Variants in PUS7L observed in about 807,000 individuals in gnomAD.
PUS7L encodes the protein pseudouridine synthase 7 like.
PUS7L carries 49 observed loss-of-function variants against 51.1 expected under a neutral mutation model. The ratio of observed to expected loss-of-function variants is 0.96; its 90% CI spans 0.76 to 1.22. The LOEUF is 1.22. Among genes scored for constraint, PUS7L ranks in the 50% most tolerant of loss-of-function variants. The pLI, the probability that PUS7L is intolerant of heterozygous loss-of-function variation, is 0.00. For synonymous variants in PUS7L, 277 were observed against 276.2 expected (o/e 1.00, Z -0.03); for missense variants, 828 against 820.6 (o/e 1.01, Z -0.11).
chr12:43,744,393 C>T (rs528185760), intron 4 of PUS7L, among the ~76,000 whole-genome samples: 8 of 152,276 alleles, frequency 5.3e-5, no homozygotes, highest in Admixed American at 3.9e-4. Context: ...TGAGTTCTCA[C>T]GAGATCTGAT....
At chr12:43,731,579 T>C (rs1944555091) in intron 8 of PUS7L, 126 bp downstream of exon 8, 3 of 582,092 alleles carry the variant, frequency 5.2e-6, no homozygotes, top group Non-Finnish European at 9.2e-6. Context: ...TTTAATTGTA[T>C]ATAAATTATA....
chr12:43,741,966 A>G (rs1392487333), intron 5 of PUS7L, among the ~76,000 whole-genome samples: 9 of 152,184 alleles, frequency 5.9e-5, no homozygotes, highest in Admixed American at 2.6e-4. Context: ...TATAAAAAAT[A>G]TAAATTAAAA....
intron 2 of PUS7L, among the ~76,000 whole-genome samples, chr12:43,752,621 A>G (rs1938508355): frequency 6.6e-6 from 1 of 152,250 alleles, no homozygotes; most frequent in Non-Finnish European, 1.5e-5. Flanking sequence ...AAGTGAAATA[A>G]GCCCATTACA....
At chr12:43,756,178 A>T (rs1938691754) in intron 1 of PUS7L, among the ~76,000 whole-genome samples, 1 of 152,234 alleles carries the variant, frequency 6.6e-6, no homozygotes, top group Non-Finnish European at 1.5e-5. Flanking sequence ...CATGCCATAT[A>T]GAAATCACTA....
intron 1 of PUS7L, 69 bp downstream of exon 1, chr12:43,758,654 ACCCCCCC>A: frequency 8.7e-6 from 4 of 462,036 alleles, no homozygotes; most frequent in Non-Finnish European, 9.6e-6. Context: ...CAACCTCGTC[ACCCCCCC>A]CCCCCACACA....
chr12:43,758,178 C>T, intron 1 of PUS7L: 1 of 379,468 alleles, frequency 2.6e-6, no homozygotes, highest in Non-Finnish European at 3.6e-6. Flanking sequence ...ATGATCTTTT[C>T]TTTCTCCCAG....
rs755895003 is a variant in PUS7L at position 43,754,850 on chromosome 12, T to C, written c.396A>G (p.Lys132=). The C allele has an allele frequency of 3.9e-5, 63 of 1,613,426 alleles. No individual in the cohort carries two copies. Among genetic ancestry groups the C allele is most frequent in the African/African-American group, 5.3e-5 (4 of 74,858 alleles). ...ADVLSSFLDE[K]THELLNNFAC... is the part of the protein sequence containing the mutation. The stretch of plus-strand genomic sequence containing the variant: ...CAAAATTATTCAGTAACTCATGAGT[T>C]TTTTCATCCAAAAAGGAGCTTAAAA... The change falls in exon 2 of 9, where the codon AAA becomes AAG. Residue 132 remains lysine (K), a synonymous_variant. Coordinates refer to ENST00000344862, the MANE Select transcript of PUS7L (RefSeq NM_031292.5).
rs138630601 is a variant in PUS7L at position 43,736,616 on chromosome 12, C to T, written c.1490G>A (p.Arg497His). Residue 497 changes from arginine (R) to histidine (H), a missense_variant, in exon 7 of 9, where the codon CGT becomes CAT. Coordinates refer to ENST00000344862, the MANE Select transcript of PUS7L (RefSeq NM_031292.5). ...TLSLMPEFKV[R>H]ERALLEALHR... ...CAATGCCTCCAACAATGCTCTCTCACGCACTTTGAATTCAGGCATCAATGA... is the reference window on the plus strand; with the variant it reads ...CAATGCCTCCAACAATGCTCTCTCATGCACTTTGAATTCAGGCATCAATGA... 6.1e-5 allele frequency: 99 copies of T among 1,614,016 alleles called. No homozygotes were observed. The highest frequency in any genetic ancestry group is 7.6e-5 in the Non-Finnish European group (90 of 1,180,008).
At chr12:43,748,899 T>A (rs943267057) in intron 2 of PUS7L, among the ~76,000 whole-genome samples, 1 of 152,106 alleles carries the variant, frequency 6.6e-6, no homozygotes, top group Non-Finnish European at 1.5e-5. Context: ...AATTTTTGTA[T>A]TTTTAGCAGG....
In PUS7L at chr12:43,727,651, A is replaced by G. The variant is rs1007931991; in HGVS notation, c.*2725T>C. 6.6e-6 allele frequency: 1 copy of G among 152,144 alleles called. No homozygotes were observed. The highest frequency in any genetic ancestry group is 1.5e-5 in the Non-Finnish European group (1 of 68,004). 9.4% of individuals were successfully genotyped at this position (152,144 alleles called of 1,614,324 possible). Reference sequence around the variant, plus strand: ...GAACTTTGAGTACACTTGGACTCTAAGAAGGGAACAATAGGCACCATGGCC... The same window carrying G: ...GAACTTTGAGTACACTTGGACTCTAGGAAGGGAACAATAGGCACCATGGCC... On this transcript the variant is annotated 3_prime_UTR_variant, in exon 9 of 9. Coordinates refer to ENST00000344862, the MANE Select transcript of PUS7L (RefSeq NM_031292.5).
chr12:43,741,403 C>T (rs1937892071), intron 5 of PUS7L, among the ~76,000 whole-genome samples: 1 of 152,132 alleles, frequency 6.6e-6, no homozygotes, highest in African/African-American at 2.4e-5. Flanking sequence ...CTCCATTTTA[C>T]AGATAAGGAA....
chr12:43,732,904 G>A (rs965844214), intron 7 of PUS7L, among the ~76,000 whole-genome samples: 4 of 152,252 alleles, frequency 2.6e-5, no homozygotes, highest in Non-Finnish European at 5.9e-5. Flanking sequence ...CAGACTACAT[G>A]GAATTATGAT....
chr12:43,752,643 A>C (rs1938509158), intron 2 of PUS7L, among the ~76,000 whole-genome samples: 1 of 152,188 alleles, frequency 6.6e-6, no homozygotes, highest in African/African-American at 2.4e-5. Flanking sequence ...AAAGACAAAT[A>C]CTGTATGATT....
intron 4 of PUS7L, among the ~76,000 whole-genome samples, chr12:43,742,905 A>G (rs1021966008): frequency 6.6e-6 from 1 of 152,124 alleles, no homozygotes; most frequent in Non-Finnish European, 1.5e-5. Flanking sequence ...TCTGATCCCT[A>G]CTCTGATGCT....
intron 2 of PUS7L, among the ~76,000 whole-genome samples, chr12:43,751,738 G>A (rs1938459014): frequency 6.6e-6 from 1 of 152,114 alleles, no homozygotes. Context: ...GGGTCAAATG[G>A]TATTTCTAGT....
intron 5 of PUS7L, among the ~76,000 whole-genome samples, chr12:43,738,648 T>C (rs1937733242): frequency 6.6e-6 from 1 of 152,184 alleles, no homozygotes; most frequent in Admixed American, 6.5e-5. Context: ...ACTTCCATAA[T>C]TCTACTTTTG....
chr12:43,737,555 T>TA (rs1937669909), intron 6 of PUS7L, among the ~76,000 whole-genome samples: 1 of 151,072 alleles, frequency 6.6e-6, no homozygotes, highest in Non-Finnish European at 1.5e-5. Flanking sequence ...TTGCTGTTTT[T>TA]ATTATTTAAA....
intron 1 of PUS7L, 78 bp downstream of exon 1, chr12:43,758,652 T>TG: frequency 1.4e-6 from 1 of 708,234 alleles, no homozygotes; most frequent in Non-Finnish European, 1.6e-6. Flanking sequence ...GCCAACCTCG[T>TG]CACCCCCCCC....
rs1212645382 is a variant in PUS7L at position 43,719,771 on chromosome 12, ATC to A, written c.*10603_*10604del. On this transcript the variant is annotated 3_prime_UTR_variant, in exon 9 of 9. Coordinates refer to ENST00000344862, the MANE Select transcript of PUS7L (RefSeq NM_031292.5). Reference sequence around the variant, plus strand: ...AGAAAATTGTTCATAATATTCTATTATCTTTTTAATTTTTACAGCACCTATAG... The same window carrying A: ...AGAAAATTGTTCATAATATTCTATTATTTTTAATTTTTACAGCACCTATAG... The A allele has an allele frequency of 1.3e-5, 2 of 152,196 alleles. No homozygotes were observed. Among genetic ancestry groups the A allele is most frequent in the African/African-American group, 4.8e-5 (2 of 41,466 alleles). 9.4% of individuals were successfully genotyped at this position (152,196 alleles called of 1,614,324 possible).
Sources: gnomAD v4.1 joint callset for allele counts (sites outside exome capture counted in the v4.1 genomes callset) on GRCh38, gnomAD v4.1.1 for gene constraint, MANE v1.5 for transcripts, NCBI Gene and HGNC (gene_info 2026-07-23, HGNC 2026-07-21) for gene names.